IL15: variants seen among roughly 807,000 people sequenced by gnomAD.
IL15 encodes the protein interleukin-15.
IL15 carries 11 observed loss-of-function variants against 19.6 expected under a neutral mutation model. That is an observed-to-expected ratio of 0.56 (90% confidence interval 0.35 to 0.93). The LOEUF (loss-of-function observed/expected upper bound fraction) is 0.93, where lower values mean the gene tolerates loss of function less well. IL15 is among the 40% of genes least tolerant of loss of function. IL15 has a pLI of 0.01. For missense variants in IL15, 197 were observed against 186.5 expected, an observed-to-expected ratio of 1.06 and a Z score of -0.33; for synonymous variants, 58 against 59.6, an observed-to-expected ratio of 0.97 and a Z score of 0.12.
intron 1 of IL15, among the ~76,000 whole-genome samples, chr4:141,654,829 A>G (rs2152157915): frequency 6.6e-6 from 1 of 152,292 alleles, no homozygotes; most frequent in African/African-American, 2.4e-5. Flanking sequence ...TATTTTTAAA[A>G]TATTTTGGTT....
intron 1 of IL15, among the ~76,000 whole-genome samples, chr4:141,654,997 T>C (rs1727541762): frequency 6.6e-6 from 1 of 152,130 alleles, no homozygotes; most frequent in African/African-American, 2.4e-5. Flanking sequence ...TTATTTATTC[T>C]CCTTTTAGAA....
At chr4:141,640,331 G>A (rs911625167) in intron 1 of IL15, among the ~76,000 whole-genome samples, 2 of 151,794 alleles carry the variant, frequency 1.3e-5, no homozygotes, top group African/African-American at 4.8e-5. Flanking sequence ...AAGACATGCA[G>A]AGTTTTGCTT....
chr4:141,694,713 A>T (rs1729035255), intron 2 of IL15, among the ~76,000 whole-genome samples: 1 of 152,092 alleles, frequency 6.6e-6, no homozygotes, highest in South Asian at 2.1e-4. Context: ...TCCAGCCTGG[A>T]CCTCTATCCT....
At chr4:141,685,254 A>T (rs902423252) in intron 2 of IL15, among the ~76,000 whole-genome samples, 25 of 152,336 alleles carry the variant, frequency 1.6e-4, no homozygotes, top group South Asian at 4.1e-4. Flanking sequence ...AAGTTTGGAT[A>T]TGTGCTTATA....
intron 2 of IL15, among the ~76,000 whole-genome samples, chr4:141,687,223 A>G (rs1368602534): frequency 2.0e-5 from 3 of 152,162 alleles, no homozygotes; most frequent in Non-Finnish European, 2.9e-5. Context: ...CATCCTTGTA[A>G]GCAGGGCAGG....
chr4:141,665,429 A>G (rs1309314105), intron 2 of IL15, among the ~76,000 whole-genome samples: 1 of 152,144 alleles, frequency 6.6e-6, no homozygotes, highest in Non-Finnish European at 1.5e-5. Flanking sequence ...TTTAATATAT[A>G]CTAGGTCTAG....
At chr4:141,685,141 C>A (rs1339028632) in intron 2 of IL15, among the ~76,000 whole-genome samples, 1 of 152,150 alleles carries the variant, frequency 6.6e-6, no homozygotes, top group Non-Finnish European at 1.5e-5. Flanking sequence ...GATACATAGA[C>A]AATCACTTAA....
intron 2 of IL15, among the ~76,000 whole-genome samples, chr4:141,674,936 T>G (rs1728290506): frequency 2.4e-5 from 3 of 126,484 alleles, no homozygotes; most frequent in Non-Finnish European, 5.4e-5. Context: ...CTGGGTGTTC[T>G]ACTTGGGGTC....
chr4:141,716,081 T>G (rs1038082746), intron 2 of IL15: 1 of 152,192 alleles, frequency 6.6e-6, no homozygotes, highest in Admixed American at 6.5e-5. Context: ...GATGCCTGCC[T>G]GCGTTAACTT....
chr4:141,641,972 C>T (rs931340331), intron 1 of IL15, among the ~76,000 whole-genome samples: 4 of 151,152 alleles, frequency 2.6e-5, no homozygotes, highest in Admixed American at 6.6e-5. Context: ...AATATCGCTA[C>T]GTTTTGTGGA....
At chr4:141,675,356 A>G (rs1375048900) in intron 2 of IL15, among the ~76,000 whole-genome samples, 1 of 152,176 alleles carries the variant, frequency 6.6e-6, no homozygotes, top group Admixed American at 6.5e-5. Flanking sequence ...AAATATATGG[A>G]GGCATAAAAT....
chr4:141,677,740 G>C (rs1039789601), intron 2 of IL15, among the ~76,000 whole-genome samples: 1 of 152,188 alleles, frequency 6.6e-6, no homozygotes, highest in African/African-American at 2.4e-5. Flanking sequence ...CTACCAGCCA[G>C]ATAAAGTTCT....
rs990642591 is a variant in IL15 at position 141,733,522 on chromosome 4, A to T, written c.*674A>T. 1 of 152,248 alleles carries T rather than the reference A, an allele frequency of 6.6e-6. No homozygotes were observed. 9.4% of individuals were successfully genotyped at this position (152,248 alleles called of 1,614,324 possible). A position where few individuals can be genotyped will look rare whatever the true frequency, so the allele number is the denominator to read the frequency against. The stretch of plus-strand genomic sequence containing the variant: ...TAATAAACTTCTACTGATAGGTAGA[A>T]TGGTGTGCAAGCTTGTCCAATCACG... On this transcript the variant is annotated 3_prime_UTR_variant, in exon 8 of 8. Coordinates refer to ENST00000320650, the MANE Select transcript of IL15 (RefSeq NM_000585.5).
At chr4:141,696,838 T>G (rs559035571) in intron 2 of IL15, among the ~76,000 whole-genome samples, 1 of 152,080 alleles carries the variant, frequency 6.6e-6, no homozygotes, top group South Asian at 2.1e-4. Flanking sequence ...TTTTGTCCTT[T>G]GCCCACTTTT....
intron 1 of IL15, among the ~76,000 whole-genome samples, chr4:141,641,802 GCACGTTGTGCACATGTA>G (rs1419685375): frequency 6.6e-6 from 1 of 150,990 alleles, no homozygotes; most frequent in African/African-American, 2.4e-5. Flanking sequence ...TAACAAACCT[GCACGTTGTGCACATGTA>G]CCCTAGAACT....
chr4:141,700,257 T>C (rs906456744), intron 2 of IL15, among the ~76,000 whole-genome samples: 1 of 152,172 alleles, frequency 6.6e-6, no homozygotes, highest in Non-Finnish European at 1.5e-5. Flanking sequence ...TTGGTGTATA[T>C]TGAACTTTTG....
At chr4:141,650,719 A>G (rs759976453) in intron 1 of IL15, among the ~76,000 whole-genome samples, 6 of 152,080 alleles carry the variant, frequency 3.9e-5, no homozygotes, top group Non-Finnish European at 8.8e-5. Flanking sequence ...CCAACATAAC[A>G]TGGATGGATT....
At chr4:141,685,123 C>T (rs978511717) in intron 2 of IL15, among the ~76,000 whole-genome samples, 9 of 152,106 alleles carry the variant, frequency 5.9e-5, no homozygotes, top group African/African-American at 1.9e-4. Context: ...ATGTTATACA[C>T]TATAGGAGAT....
In IL15 at chr4:141,706,793, C is replaced by T. The variant is rs193050356; in HGVS notation, c.-99-12573C>T. On this transcript the variant is annotated intron_variant, in intron 2 of 7. Transcript: ENST00000320650. ...AAAAATCTGATAGTCTAATAGAGAT[C>T]CTTTTGTATGTGAGTTAATACATTT... 1.1e-3 allele frequency among the ~76,000 whole-genome samples: 173 copies of T among 151,832 alleles called. 1 individual carries two copies. The highest frequency in any genetic ancestry group is 4.0e-3 in the Admixed American group (61 of 15,256).
Sources: gnomAD v4.1 joint callset for allele counts (sites outside exome capture counted in the v4.1 genomes callset) on GRCh38, gnomAD v4.1.1 for gene constraint, MANE v1.5 for transcripts, NCBI Gene and HGNC (gene_info 2026-07-23, HGNC 2026-07-21) for gene names.